Variants in KIRREL2 observed in about 807,000 individuals in gnomAD.
KIRREL2 encodes kin of IRRE-like protein 2.
Under a neutral mutation model 73.4 loss-of-function variants are expected in KIRREL2, and 56 were observed. The ratio of observed to expected loss-of-function variants is 0.76; its 90% CI spans 0.62 to 0.95. KIRREL2 has a LOEUF of 0.95. Among genes scored for constraint, KIRREL2 ranks in the 40% least tolerant of loss-of-function variants. KIRREL2 has a pLI of 0.00. For missense variants in KIRREL2, 896 were observed against 935.0 expected, an observed-to-expected ratio of 0.96 and a Z score of 0.54; for synonymous variants, 407 against 404.0, an observed-to-expected ratio of 1.01 and a Z score of -0.09.
intron 13 of KIRREL2, among the ~76,000 whole-genome samples, chr19:35,864,054 C>T (rs549077562): frequency 3.9e-5 from 6 of 152,170 alleles, no homozygotes; most frequent in South Asian, 2.1e-4. Flanking sequence ...GGATTACAGG[C>T]GTGAGCCACC....
At chr19:35,863,737 C>G (rs1389767561) in intron 13 of KIRREL2, among the ~76,000 whole-genome samples, 1 of 152,032 alleles carries the variant, frequency 6.6e-6, no homozygotes, top group Non-Finnish European at 1.5e-5. Context: ...CAGGCATGAG[C>G]CTCCACGCCC....
At chr19:35,856,884 C>A (rs1407708069), upstream of KIRREL2, 4 of 579,370 alleles carry the variant, frequency 6.9e-6, no homozygotes, top group East Asian at 6.2e-5. This position sits in a 1 kb window ranked among gnomAD's most constrained non-coding sequence, Gnocchi z 5.9. Flanking sequence ...GCGGGGCGAG[C>A]GGGATCGGGC....
upstream of KIRREL2, chr19:35,856,848 G>T (rs1049697641): frequency 9.2e-6 from 5 of 542,436 alleles, no homozygotes; most frequent in Non-Finnish European, 1.6e-5. The surrounding 1 kb of genome is among the most constrained non-coding windows in gnomAD (Gnocchi z 5.9). Flanking sequence ...CGGGAAGAGG[G>T]CGGAGCTCCC....
intron 5 of KIRREL2, among the ~76,000 whole-genome samples, chr19:35,860,093 C>A (rs1238081945): frequency 6.6e-6 from 1 of 152,066 alleles, no homozygotes; most frequent in Admixed American, 6.5e-5. Flanking sequence ...ACTCTCACAT[C>A]GGGGAGACTA....
intron 6 of KIRREL2, 25 bp from the exon 7 acceptor site, chr19:35,860,494 G>A: frequency 6.2e-7 from 1 of 1,602,686 alleles, no homozygotes; most frequent in Non-Finnish European, 8.5e-7. Context: ...CCAGGACAAC[G>A]TTAACAGCGC....
chr19:35,852,986 G>C (rs1319584454), upstream of KIRREL2, among the ~76,000 whole-genome samples: 2 of 152,020 alleles, frequency 1.3e-5, no homozygotes, highest in Non-Finnish European at 2.9e-5. Context: ...CTAGAGACGG[G>C]GTTTCATCAT....
upstream of KIRREL2, chr19:35,851,971 C>G: frequency 1.3e-6 from 1 of 757,406 alleles, no homozygotes; most frequent in Admixed American, 2.2e-5. Flanking sequence ...ACTCTCCTCC[C>G]TTTCTCGTTT....
rs992317381 is a variant in KIRREL2 at position 35,860,641 on chromosome 19, A to G, written c.902A>G (p.Asn301Ser). Reference protein sequence around the residue: ...CEVSNAVGSANRSTALDVLFG... With the variant: ...CEVSNAVGSASRSTALDVLFG... ...GTCAGCAACGCCGTGGGTAGCGCCA[A>G]CCGCAGTACTGCGCTGGATGTGCTG... The change falls in exon 7 of 15, where the codon AAC becomes AGC. Residue 301 changes from asparagine (N) to serine (S), a missense_variant. Transcript: ENST00000360202. 1.9e-6 allele frequency: 3 copies of G among 1,603,326 alleles called. No homozygotes were observed. The highest frequency in any genetic ancestry group is 1.8e-4 in the Middle Eastern group (1 of 5,588).
chr19:35,861,931 G>A lies in KIRREL2; in HGVS notation c.1417G>A (p.Gly473Arg). The A allele has an allele frequency of 6.2e-7, 1 of 1,612,734 alleles. No individual in the cohort carries two copies. The highest frequency in any genetic ancestry group is 8.5e-7 in the Non-Finnish European group (1 of 1,179,570). The change falls in exon 11 of 15, where the codon GGG (glycine) becomes AGG (arginine). Residue 473 changes from glycine (G) to arginine (R), a missense_variant. Coordinates refer to ENST00000360202, the MANE Select transcript of KIRREL2 (RefSeq NM_199180.4). ...CCTGATCTCTGTGCTACACATTTCG[G>A]GGACCCAGGAGTCTGACTTTAGCAG... ...PGLISVLHIS[G>R]TQESDFSRSF...
At chr19:35,862,697 C>G (rs1973760511) in intron 12 of KIRREL2, 100 bp downstream of exon 12, 1 of 910,704 alleles carries the variant, frequency 1.1e-6, no homozygotes, top group Non-Finnish European at 1.8e-6. Context: ...GCTCCAGTCC[C>G]ATTTCCAGCT....
chr19:35,861,194 G>A lies in KIRREL2; in HGVS notation c.1129G>A (p.Ala377Thr), dbSNP rs1258075131. 1.9e-6 allele frequency: 3 copies of A among 1,562,566 alleles called. No homozygotes were observed. Among genetic ancestry groups the A allele is most frequent in the South Asian group, 2.4e-5 (2 of 84,750 alleles). The change falls in exon 9 of 15, where the codon GCT becomes ACT. Residue 377 changes from alanine (A) to threonine (T), a missense_variant. Ala to Thr is a moderately conservative substitution (Grantham distance 58). Coordinates refer to ENST00000360202, the MANE Select transcript of KIRREL2 (RefSeq NM_199180.4). ...PEDAGDYVCR[A>T]EAGLSGLRGG... ...GGACGCAGGCGACTATGTGTGCAGA[G>A]CTGAGGCTGGGCTATCGGGCCTGCG...
chr19:35,860,066 G>A (rs1973595108), intron 5 of KIRREL2, among the ~76,000 whole-genome samples: 1 of 152,184 alleles, frequency 6.6e-6, no homozygotes, highest in Non-Finnish European at 1.5e-5. Context: ...CCTGGGGAAA[G>A]AGAAAGCTGG....
chr19:35,858,258 A>G, intron 2 of KIRREL2, 150 bp from the exon 3 acceptor site: 1 of 824,116 alleles, frequency 1.2e-6, no homozygotes, highest in Non-Finnish European at 1.9e-6. Flanking sequence ...GGAGGGAGTT[A>G]GAGTCTCTCT....
Position 35,861,983 on chromosome 19 carries a change from G to T in KIRREL2, c.1469G>T (p.Arg490Leu). 1.9e-6 allele frequency: 3 copies of T among 1,612,512 alleles called. No individual in the cohort carries two copies. The highest frequency in any genetic ancestry group is 2.2e-5 in the East Asian group (1 of 44,812). ...SRSFNCSARN[R>L]LGEGGAQASL... ...AGCTTTAACTGCAGTGCCCGGAACC[G>T]GCTGGGCGAGGGAGGTGCCCAGGCC... The change falls in exon 11 of 15, where the codon CGG (arginine) becomes CTG (leucine). Residue 490 changes from arginine to leucine, a missense_variant. Physicochemically the swap from Arg to Leu is moderately radical, Grantham distance 102. Coordinates refer to ENST00000360202, the MANE Select transcript of KIRREL2 (RefSeq NM_199180.4).
chr19:35,860,145 T>C (rs1056618442), intron 5 of KIRREL2, 152 bp from the exon 6 acceptor site: 2 of 625,020 alleles, frequency 3.2e-6, no homozygotes, highest in Admixed American at 3.0e-5. Flanking sequence ...ACTGGGGAAA[T>C]TGGGAACTGA....
chr19:35,851,978 G>A (rs549585186), upstream of KIRREL2: 29 of 723,974 alleles, frequency 4.0e-5, no homozygotes, highest in African/African-American at 5.3e-5. Flanking sequence ...TCCCTTTCTC[G>A]TTTTCCTCTT....
At chr19:35,860,232 C>T in intron 5 of KIRREL2, 65 bp from the exon 6 acceptor site, 2 of 1,351,110 alleles carry the variant, frequency 1.5e-6, no homozygotes, top group Non-Finnish European at 2.1e-6. Flanking sequence ...AGGGACTGGA[C>T]ACCTAGGCCA....
chr19:35,857,222 G>T (rs770197420), intron 1 of KIRREL2, 42 bp downstream of exon 1: 3 of 1,581,948 alleles, frequency 1.9e-6, no homozygotes, highest in Admixed American at 3.4e-5. Context: ...GTGGGGGTGG[G>T]GAGTTGCTTG....
chr19:35,856,282 G>A (rs1973420483), upstream of KIRREL2, among the ~76,000 whole-genome samples: 1 of 152,190 alleles, frequency 6.6e-6, no homozygotes, highest in Non-Finnish European at 1.5e-5. This position sits in a 1 kb window ranked among gnomAD's most constrained non-coding sequence, Gnocchi z 5.9. Context: ...AGGCCGAGGG[G>A]CCCGGCCGGC....
Sources: allele counts gnomAD v4.1 joint callset (sites outside exome capture counted in the v4.1 genomes callset), GRCh38; gene constraint gnomAD v4.1.1; non-coding constraint Gnocchi (gnomAD v3.1); transcripts MANE v1.5; gene names NCBI Gene and HGNC (gene_info 2026-07-23, HGNC 2026-07-21).